Variants in GMDS observed in about 807,000 individuals in gnomAD.
GMDS encodes the protein GDP-mannose 4,6-dehydratase, also known as GDP-mannose 4,6 dehydratase.
GMDS carries 20 observed loss-of-function variants against 49.9 expected under a neutral mutation model. That is an observed-to-expected ratio of 0.40 (90% CI 0.28 to 0.58). The LOEUF is 0.58. Ranked by LOEUF, GMDS falls within the 20% of genes least tolerant of loss-of-function variation. GMDS has a pLI of 0.42. For missense variants in GMDS, 362 were observed against 481.4 expected, an observed-to-expected ratio of 0.75 and a Z score of 2.32; for synonymous variants, 177 against 178.6, an observed-to-expected ratio of 0.99 and a Z score of 0.07.
In GMDS at chr6:2,228,002, A is replaced by G. The variant is rs565531164; in HGVS notation, c.102+17319T>C. On this transcript the variant is annotated intron_variant, in intron 1 of 10. Coordinates refer to ENST00000380815, the MANE Select transcript of GMDS (RefSeq NM_001500.4). The stretch of plus-strand genomic sequence containing the variant: ...GCCCAAGCCTGTGCTGGGTCTACGC[A>G]GTGAAGTACAAGGTAAAAAGAAGGC... Among the ~76,000 whole-genome samples the G allele has an allele frequency of 2.6e-5, 4 of 152,308 alleles. No individual in the cohort carries two copies. In the East Asian group the frequency reaches 7.7e-4, roughly 29 times the overall value.
intron 4 of GMDS, among the ~76,000 whole-genome samples, chr6:1,992,484 C>T (rs1377270999): frequency 6.6e-6 from 1 of 152,190 alleles, no homozygotes; most frequent in African/African-American, 2.4e-5. Context: ...CCTCAACACA[C>T]CAGGCATGTT....
In GMDS at chr6:2,232,941, A is replaced by C. The variant is rs547428692; in HGVS notation, c.102+12380T>G. On this transcript the variant is annotated intron_variant, in intron 1 of 10. Transcript: ENST00000380815. ...AAAAACCTTTCCCAGATCTAAGGCA[A>C]AGGGAAAAACATACAAGACAGAATG... Among the ~76,000 whole-genome samples the C allele has an allele frequency of 5.3e-5, 8 of 152,318 alleles. No homozygotes were observed. The South Asian group carries it at 1.7e-3, about 32-fold the overall frequency.
chr6:2,180,316 G>A (rs1199025996), intron 1 of GMDS, among the ~76,000 whole-genome samples: 1 of 152,168 alleles, frequency 6.6e-6, no homozygotes, highest in East Asian at 1.9e-4. Flanking sequence ...AAAGACTAAT[G>A]CTACAGAGAA....
intron 4 of GMDS, among the ~76,000 whole-genome samples, chr6:2,026,078 G>T (rs758972048): frequency 3.9e-5 from 6 of 152,136 alleles, no homozygotes; most frequent in Non-Finnish European, 8.8e-5. Flanking sequence ...TATTTTTAAT[G>T]TAAGAGGTTT....
intron 7 of GMDS, among the ~76,000 whole-genome samples, chr6:1,832,660 T>C (rs375134820): frequency 2.6e-5 from 4 of 152,284 alleles, no homozygotes; most frequent in East Asian, 1.9e-4. Flanking sequence ...CAAAGACTCC[T>C]TGGTCTTAAA....
intron 4 of GMDS, among the ~76,000 whole-genome samples, chr6:2,091,122 T>C (rs910082326): frequency 3.3e-5 from 5 of 152,216 alleles, no homozygotes; most frequent in Non-Finnish European, 7.3e-5. Flanking sequence ...TTGCTTACTT[T>C]TAAAGTACGC....
At position 1,791,788 on chromosome 6, in the gene GMDS, T is replaced by C. The variant is rs527282876; in HGVS notation, c.772-49202A>G. ...TATTTTTAAACTTTACTACTGTTTATAATATACAGCCAAATGACACATTTT... is the reference window on the plus strand; with the variant it reads ...TATTTTTAAACTTTACTACTGTTTACAATATACAGCCAAATGACACATTTT... On this transcript the variant is annotated intron_variant, in intron 7 of 10. Coordinates refer to ENST00000380815, the MANE Select transcript of GMDS (RefSeq NM_001500.4). 9.2e-5 allele frequency among the ~76,000 whole-genome samples: 14 copies of C among 152,332 alleles called. No homozygotes were observed. In the South Asian group the frequency reaches 2.9e-3, roughly 32 times the overall value.
chr6:1,825,427 T>C (rs1771067025), intron 7 of GMDS, among the ~76,000 whole-genome samples: 1 of 152,232 alleles, frequency 6.6e-6, no homozygotes. Context: ...GAATAAATAC[T>C]GCCAGTCTAA....
At chr6:1,977,339 C>T (rs1308334402) in intron 4 of GMDS, among the ~76,000 whole-genome samples, 2 of 152,230 alleles carry the variant, frequency 1.3e-5, no homozygotes, top group Non-Finnish European at 2.9e-5. Context: ...CAGCTTCTTT[C>T]TCCTAAATAC....
intron 1 of GMDS, among the ~76,000 whole-genome samples, chr6:2,153,338 T>C (rs1776939629): frequency 6.6e-6 from 1 of 152,084 alleles, no homozygotes; most frequent in Admixed American, 6.5e-5. Context: ...AGACTGATAA[T>C]CTGACTGGCT....
chr6:1,792,473 C>T (rs898778455), intron 7 of GMDS, among the ~76,000 whole-genome samples: 30 of 152,254 alleles, frequency 2.0e-4, no homozygotes, highest in African/African-American at 7.0e-4. Context: ...CTACTGTTGT[C>T]TGCTTGGGAC....
chr6:1,938,337 C>A (rs901532895), intron 6 of GMDS, among the ~76,000 whole-genome samples: 25 of 152,302 alleles, frequency 1.6e-4, no homozygotes, highest in African/African-American at 6.0e-4. Flanking sequence ...TTTCTTGCAT[C>A]TTTCTTGTGG....
intron 1 of GMDS, among the ~76,000 whole-genome samples, chr6:2,190,484 G>A (rs1314088225): frequency 1.3e-5 from 2 of 152,252 alleles, no homozygotes; most frequent in Middle Eastern, 3.4e-3. Flanking sequence ...TTTGCTCAAG[G>A]TCTCACTTCT....
intron 4 of GMDS, among the ~76,000 whole-genome samples, chr6:2,095,731 G>C (rs1209512712): frequency 6.6e-6 from 1 of 152,144 alleles, no homozygotes; most frequent in Non-Finnish European, 1.5e-5. Context: ...TGCAGAGTTG[G>C]ATGAAACCTT....
intron 1 of GMDS, among the ~76,000 whole-genome samples, chr6:2,244,038 A>AT (rs1029657827): frequency 6.6e-6 from 1 of 150,756 alleles, no homozygotes; most frequent in African/African-American, 2.4e-5. Context: ...CATTTTTTAA[A>AT]TTTTTTTGTA....
intron 9 of GMDS, 119 bp from the exon 10 acceptor site, chr6:1,624,659 C>G: frequency 4.3e-6 from 3 of 698,804 alleles, no homozygotes; most frequent in Non-Finnish European, 7.5e-6. Flanking sequence ...CTCCGGGTTT[C>G]CCTGCTTTCG....
intron 7 of GMDS, among the ~76,000 whole-genome samples, chr6:1,794,659 A>G (rs1181259870): frequency 6.6e-6 from 1 of 152,208 alleles, no homozygotes; most frequent in Non-Finnish European, 1.5e-5. Flanking sequence ...AACTCTGGAT[A>G]TTAACAATGG....
intron 1 of GMDS, among the ~76,000 whole-genome samples, chr6:2,237,124 T>G (rs1781396263): frequency 6.6e-6 from 1 of 152,208 alleles, no homozygotes; most frequent in Admixed American, 6.5e-5. Context: ...TAAAATCATC[T>G]AACCTCAAGT....
intron 4 of GMDS, among the ~76,000 whole-genome samples, chr6:2,087,676 C>G (rs372899064): frequency 6.6e-6 from 1 of 152,134 alleles, no homozygotes; most frequent in African/African-American, 2.4e-5. Flanking sequence ...CTTAGCCACA[C>G]GCAATTTTAG....
Sources: allele counts gnomAD v4.1 joint callset (sites outside exome capture counted in the v4.1 genomes callset), GRCh38; gene constraint gnomAD v4.1.1; transcripts MANE v1.5; gene names NCBI Gene and HGNC (gene_info 2026-07-23, HGNC 2026-07-21).